Variants in DSCAM observed in about 807,000 individuals in gnomAD.
The protein encoded by DSCAM is cell adhesion molecule DSCAM.
Under a neutral mutation model 217.7 loss-of-function variants are expected in DSCAM, and 47 were observed. The observed-to-expected ratio is 0.22, with a 90% confidence interval of 0.17 to 0.28. DSCAM has a LOEUF of 0.28. DSCAM is among the 10% of genes least tolerant of loss of function. The pLI is 1.00. For synonymous variants in DSCAM, 1,056 were observed against 1,015.3 expected (o/e 1.04, Z -0.76); for missense variants, 2,080 against 2,618.3 (o/e 0.79, Z 4.49).
intron 2 of DSCAM, among the ~76,000 whole-genome samples, chr21:40,701,511 G>A (rs986054302): frequency 6.6e-6 from 1 of 152,024 alleles, no homozygotes; most frequent in East Asian, 1.9e-4. Flanking sequence ...TGGATGCTGA[G>A]ACCACTATTT....
chr21:40,478,352 G>A (rs199772933), intron 3 of DSCAM, among the ~76,000 whole-genome samples: 2 of 152,156 alleles, frequency 1.3e-5, no homozygotes, highest in East Asian at 3.8e-4. Context: ...TGTGGACATA[G>A]GTAAATATTT....
intron 3 of DSCAM, among the ~76,000 whole-genome samples, chr21:40,513,726 G>C (rs2076278187): frequency 6.6e-6 from 1 of 152,008 alleles, no homozygotes; most frequent in African/African-American, 2.4e-5. Context: ...TCAACATTAG[G>C]GGCCAAATTT....
chr21:40,834,958 T>C (rs540471117), intron 1 of DSCAM, among the ~76,000 whole-genome samples: 13 of 152,300 alleles, frequency 8.5e-5, no homozygotes, highest in Admixed American at 5.2e-4. Flanking sequence ...AATCGACTCA[T>C]TGCATAAACT....
At chr21:40,503,924 T>C (rs4818138) in intron 3 of DSCAM, among the ~76,000 whole-genome samples, 11,906 of 152,292 alleles carry the variant, frequency 0.078, 631 homozygotes, top group Middle Eastern at 0.15. Flanking sequence ...TGGGTTATCA[T>C]TGTAGTTGGT....
At chr21:40,428,348 G>A (rs934664109) in intron 3 of DSCAM, among the ~76,000 whole-genome samples, 8 of 150,676 alleles carry the variant, frequency 5.3e-5, no homozygotes, top group African/African-American at 2.0e-4. Flanking sequence ...TCGTCTCACT[G>A]CAACCTCTGC....
At chr21:40,266,659 ATATATATATAT>A (rs1569031969) in intron 11 of DSCAM, among the ~76,000 whole-genome samples, 2,002 of 124,862 alleles carry the variant, frequency 0.016, 145 homozygotes, top group African/African-American at 0.065. Context: ...ATATATATAT[ATATATATATAT>A]AATCTTGAAA....
At chr21:40,329,713 G>C (rs1162778039) in intron 8 of DSCAM, among the ~76,000 whole-genome samples, 1 of 151,814 alleles carries the variant, frequency 6.6e-6, no homozygotes. Context: ...TCAACCTTAA[G>C]AAAGAGTGAG....
At chr21:40,515,494 G>A (rs1051913069) in intron 3 of DSCAM, among the ~76,000 whole-genome samples, 2 of 151,998 alleles carry the variant, frequency 1.3e-5, no homozygotes, top group Non-Finnish European at 2.9e-5. Context: ...ATTATCTTCT[G>A]AGAACAAGGA....
At chr21:40,811,458 G>C (rs1341922490) in intron 1 of DSCAM, among the ~76,000 whole-genome samples, 1 of 152,162 alleles carries the variant, frequency 6.6e-6, no homozygotes, top group Non-Finnish European at 1.5e-5. Context: ...ATTCTTACAA[G>C]TTCATCAACA....
chr21:40,739,537 A>C (rs936063260), intron 1 of DSCAM, among the ~76,000 whole-genome samples: 3 of 152,138 alleles, frequency 2.0e-5, no homozygotes, highest in African/African-American at 7.2e-5. Context: ...CCTCTGTGTG[A>C]GTCTTTGTCC....
chr21:40,645,985 A>C (rs565725542), intron 3 of DSCAM, among the ~76,000 whole-genome samples: 9 of 152,322 alleles, frequency 5.9e-5, no homozygotes, highest in Admixed American at 5.2e-4. Flanking sequence ...AATTAACTGC[A>C]CTAAATGAAA....
chr21:40,308,967 A>G lies in DSCAM; in HGVS notation c.2062+3114T>C, dbSNP rs567600344. 2.0e-5 allele frequency among the ~76,000 whole-genome samples: 3 copies of G among 152,256 alleles called. No homozygotes were observed. In the East Asian group the frequency reaches 5.8e-4, roughly 29 times the overall value. On this transcript the variant is annotated intron_variant, in intron 9 of 32. Coordinates refer to ENST00000400454, the MANE Select transcript of DSCAM (RefSeq NM_001389.5). ...AACGTACTACTGCACTGGTACAAAG[A>G]ATTCTGGTTGCATTCACTAACTCAA...
chr21:40,181,107 T>C (rs1432073344), intron 14 of DSCAM, among the ~76,000 whole-genome samples: 1 of 152,042 alleles, frequency 6.6e-6, no homozygotes, highest in Non-Finnish European at 1.5e-5. Flanking sequence ...CTTCCCAGAC[T>C]CTCCCCAGTC....
intron 3 of DSCAM, among the ~76,000 whole-genome samples, chr21:40,576,100 T>G (rs1013160021): frequency 6.6e-6 from 1 of 152,092 alleles, no homozygotes; most frequent in African/African-American, 2.4e-5. Context: ...CACTTAGTAT[T>G]TCCCCAAGAG....
At chr21:40,258,593 T>C (rs2073405875) in intron 11 of DSCAM, among the ~76,000 whole-genome samples, 2 of 152,262 alleles carry the variant, frequency 1.3e-5, no homozygotes, top group African/African-American at 4.8e-5. Flanking sequence ...CATTCTTAAA[T>C]GTCTGCTAGC....
intron 3 of DSCAM, among the ~76,000 whole-genome samples, chr21:40,389,374 G>A (rs1243707228): frequency 6.6e-6 from 1 of 152,068 alleles, no homozygotes; most frequent in Non-Finnish European, 1.5e-5. Flanking sequence ...AACAGCTAAT[G>A]TTCTAAAAAA....
At chr21:40,742,925 T>C (rs964828386) in intron 1 of DSCAM, among the ~76,000 whole-genome samples, 3 of 152,198 alleles carry the variant, frequency 2.0e-5, no homozygotes, top group African/African-American at 7.2e-5. Flanking sequence ...ATCAAAAAAG[T>C]TAAGCAGTAT....
intron 3 of DSCAM, among the ~76,000 whole-genome samples, chr21:40,664,007 A>G (rs183873589): frequency 1.2e-4 from 18 of 152,378 alleles, no homozygotes; most frequent in African/African-American, 4.3e-4. Flanking sequence ...TAACAGGCTT[A>G]TAAATATGTT....
chr21:40,042,509 C>T lies in DSCAM; in HGVS notation c.5548G>A (p.Gly1850Arg). ...AGACTGTCCGTGTACTCATTTGTCC[C>T]TGCCGTCAACTGCTCCGATGACGTG... The part of the protein sequence containing the change: ...SDTSSEQLTA[G>R]TNEYTDSLTS... Residue 1850 changes from glycine to arginine, a missense_variant, in exon 32 of 33, where the codon GGG becomes AGG. Transcript: ENST00000400454. 1 of 1,614,190 alleles carries T rather than the reference C, an allele frequency of 6.2e-7. No homozygotes were observed. The highest frequency in any genetic ancestry group is 8.5e-7 in the Non-Finnish European group (1 of 1,180,046).
Sources: allele counts gnomAD v4.1 joint callset (sites outside exome capture counted in the v4.1 genomes callset), GRCh38; gene constraint gnomAD v4.1.1; transcripts MANE v1.5; gene names NCBI Gene and HGNC (gene_info 2026-07-23, HGNC 2026-07-21).